GOLGB1: variants seen among roughly 807,000 people sequenced by gnomAD.
GOLGB1 encodes golgin B1.
GOLGB1 carries 174 observed loss-of-function variants against 336.9 expected under a neutral mutation model. The observed-to-expected ratio is 0.52, with a 90% CI of 0.46 to 0.59. GOLGB1 has a LOEUF of 0.59. GOLGB1 is among the 20% of genes least tolerant of loss of function. The pLI, the probability that GOLGB1 is intolerant of heterozygous loss-of-function variation, is 0.00. For synonymous variants in GOLGB1, 1,208 were observed against 1,289.2 expected, an observed-to-expected ratio of 0.94 and a Z score of 1.35; for missense variants, 3,331 against 3,645.3, an observed-to-expected ratio of 0.91 and a Z score of 2.22.
chr3:121,718,239 C>T, intron 8 of GOLGB1, 149 bp downstream of exon 8: 1 of 605,464 alleles, frequency 1.7e-6, no homozygotes, highest in Non-Finnish European at 3.0e-6. Flanking sequence ...TGCATCCCCA[C>T]CACTTAAGTA....
chr3:121,676,810 T>C, intron 17 of GOLGB1, 83 bp downstream of exon 17: 8 of 1,180,726 alleles, frequency 6.8e-6, no homozygotes, highest in Non-Finnish European at 1.0e-5. Flanking sequence ...GCTGGGACTC[T>C]ATGCTGAATT....
Position 121,713,777 on chromosome 3 carries a change from T to C in GOLGB1, c.1404+1084A>G, listed in dbSNP as rs900324604. 3.9e-5 allele frequency among the ~76,000 whole-genome samples: 6 copies of C among 152,180 alleles called. No individual in the cohort carries two copies. In the South Asian group the frequency reaches 1.2e-3, roughly 32 times the overall value. On this transcript the variant is annotated intron_variant, in intron 10 of 21. Transcript: ENST00000614479. Reference sequence around the variant, plus strand: ...CATTTAAAGGTTTGTAAATCTTACCTCAAAAGAAAAAGAACAATTATAAAT... The same window carrying C: ...CATTTAAAGGTTTGTAAATCTTACCCCAAAAGAAAAAGAACAATTATAAAT...
Position 121,696,763 on chromosome 3 carries a change from G to A in GOLGB1, c.3760C>T (p.Pro1254Ser), listed in dbSNP as rs33988592. 0.26 allele frequency: 421,637 copies of A among 1,613,692 alleles called. 59,270 individuals are homozygous for A. Among genetic ancestry groups the A allele is most frequent in the Non-Finnish European group, 0.29 (347,325 of 1,179,782 alleles). ...CACGATTCCTGCTGGTCTGTGCTTG[G>A]GAGTTTTCCGTCTATGGATTCCCTT... ...QVRESIDGKL[P>S]STDQQESCSS... Residue 1254 changes from proline to serine, a missense_variant, in exon 13 of 22, where the codon CCA becomes TCA. Physicochemically the swap from Pro to Ser is moderately conservative, Grantham distance 74 (BLOSUM62 -1). Transcript: ENST00000614479.
At chr3:121,739,866 C>G (rs559180892) in intron 1 of GOLGB1, among the ~76,000 whole-genome samples, 1 of 152,188 alleles carries the variant, frequency 6.6e-6, no homozygotes, top group Non-Finnish European at 1.5e-5. Context: ...CCATCACATA[C>G]TTCTCAGAAA....
intron 10 of GOLGB1, among the ~76,000 whole-genome samples, chr3:121,707,842 T>A (rs1482229325): frequency 6.6e-6 from 1 of 152,170 alleles, no homozygotes; most frequent in Non-Finnish European, 1.5e-5. Context: ...AAAGACTGTA[T>A]GACCCACAAA....
At chr3:121,681,553 T>C in intron 15 of GOLGB1, 134 bp downstream of exon 15, 2 of 652,150 alleles carry the variant, frequency 3.1e-6, no homozygotes, top group Non-Finnish European at 5.3e-6. Context: ...TACAGTTATG[T>C]AAGATGTCAC....
chr3:121,689,535 CCT>C (rs1942214607), intron 14 of GOLGB1, among the ~76,000 whole-genome samples: 1 of 151,430 alleles, frequency 6.6e-6, no homozygotes, highest in Non-Finnish European at 1.5e-5. Flanking sequence ...GGGTCCTCTG[CCT>C]AGGAAAACCA....
rs80298921 is a variant in GOLGB1, at chr3:121,733,453, T to C, written c.-2-2480A>G. Among the ~76,000 whole-genome samples the C allele has an allele frequency of 4.1e-3, 629 of 152,166 alleles. 4 individuals carry two copies. Among genetic ancestry groups the C allele is most frequent in the East Asian group, 0.039 (202 of 5,186 alleles). The stretch of plus-strand genomic sequence containing the variant: ...AGAATTTGCTGAATGCTGAAAACTA[T>C]TGAAAACCCGAGGAAGACATAAAAA... On this transcript the variant is annotated intron_variant, in intron 1 of 21. Coordinates refer to ENST00000614479, the MANE Select transcript of GOLGB1 (RefSeq NM_001366282.2).
chr3:121,686,275 A>G (rs1181619393), intron 14 of GOLGB1, among the ~76,000 whole-genome samples: 2 of 149,406 alleles, frequency 1.3e-5, no homozygotes, highest in African/African-American at 2.5e-5. Context: ...CAGTTCATGC[A>G]TGCGGTTTTC....
Position 121,717,118 on chromosome 3 carries a change from GC to G in GOLGB1, c.906del (p.Gln302HisfsTer10). On this transcript the variant is annotated frameshift_variant, in exon 9 of 22. Coordinates refer to ENST00000614479, the MANE Select transcript of GOLGB1 (RefSeq NM_001366282.2). LOFTEE classifies it high-confidence loss of function. ...QRNQILSQQLQQMEAEHNTLR... is the reference protein window; with the variant it reads ...QRNQILSQQLXQMEAEHNTLR... The stretch of plus-strand genomic sequence containing the variant: ...AAAGTATTATGCTCAGCTTCCATCT[GC>G]TGTAACTGCTGAGAGAGAATCTAAG... The G allele has an allele frequency of 6.2e-7, 1 of 1,607,378 alleles. No individual in the cohort carries two copies.
intron 1 of GOLGB1, among the ~76,000 whole-genome samples, chr3:121,732,569 G>A (rs1342505824): frequency 2.6e-5 from 4 of 152,108 alleles, no homozygotes; most frequent in Non-Finnish European, 5.9e-5. Context: ...TTCAAAATAT[G>A]AAAATCAATG....
At position 121,695,543 on chromosome 3, in the gene GOLGB1, T is replaced by C; in HGVS notation, c.4980A>G (p.Ala1660=). 1 of 1,614,150 alleles carries C rather than the reference T, an allele frequency of 6.2e-7. No homozygotes were observed. The highest frequency in any genetic ancestry group is 8.5e-7 in the Non-Finnish European group (1 of 1,180,020). ...ELYGKLRSTE[A]NKKETEKQLQ... ...ACTGCTTTTCTGTCTCCTTCTTGTT[T>C]GCCTCTGTGCTTCTTAACTTGCCAT... The change falls in exon 13 of 22, where the codon GCA becomes GCG. Residue 1660 remains alanine, a synonymous_variant. Coordinates refer to ENST00000614479, the MANE Select transcript of GOLGB1 (RefSeq NM_001366282.2).
rs1942402525 is a variant in GOLGB1 at position 121,691,408 on chromosome 3, C to A, written c.7956G>T (p.Leu2652Phe). 4.3e-6 allele frequency: 7 copies of A among 1,613,776 alleles called. No homozygotes were observed. Among genetic ancestry groups the A allele is most frequent in the Non-Finnish European group, 5.9e-6 (7 of 1,179,958 alleles). Residue 2652 changes from leucine (L) to phenylalanine (F), a missense_variant, in exon 14 of 22, where the codon TTG (leucine) becomes TTT (phenylalanine). Transcript: ENST00000614479. Reference protein sequence around the residue: ...KEEEVHRLSALFSSSQKRIAE... With the variant: ...KEEEVHRLSAFFSSSQKRIAE... ...CAATTCTCTTTTGAGAGGAGGAAAACAAAGCACTTAACCTGTGTACCTCTT... is the reference window on the plus strand; with the variant it reads ...CAATTCTCTTTTGAGAGGAGGAAAAAAAAGCACTTAACCTGTGTACCTCTT...
At position 121,717,055 on chromosome 3, in the gene GOLGB1, T is replaced by A. The variant is rs1944839402; in HGVS notation, c.970A>T (p.Ile324Phe). 6.2e-7 allele frequency: 1 copy of A among 1,613,190 alleles called. No homozygotes were observed. Among genetic ancestry groups the A allele is most frequent in the African/African-American group, 1.3e-5 (1 of 74,902 alleles). The change falls in exon 9 of 22, where the codon ATT becomes TTT. Residue 324 changes from isoleucine (I) to phenylalanine (F), a missense_variant. Physicochemically the swap from Ile to Phe is conservative, Grantham distance 21. Coordinates refer to ENST00000614479, the MANE Select transcript of GOLGB1 (RefSeq NM_001366282.2). ...TCAAGTTCCATCTTTTCCAGTAGAA[T>A]CTTGGACTCCTCTCTTTCTGTTTCC... ...TVETEREESK[I>F]LLEKMELEVA...
At chr3:121,715,491 T>G (rs1295993606) in intron 9 of GOLGB1, among the ~76,000 whole-genome samples, 1 of 150,298 alleles carries the variant, frequency 6.7e-6, no homozygotes, top group Non-Finnish European at 1.5e-5. Context: ...AGTGCTGGAA[T>G]AGCAGGCGTG....
At chr3:121,747,377 CTATATACGTATATATATACA>C (rs539264839) in intron 1 of GOLGB1, among the ~76,000 whole-genome samples, 1 of 130,594 alleles carries the variant, frequency 7.7e-6, no homozygotes, top group Non-Finnish European at 1.6e-5. Flanking sequence ...ACGTATATGT[CTATATACGTATATATATACA>C]TATATACGTA....
intron 17 of GOLGB1, among the ~76,000 whole-genome samples, chr3:121,672,173 T>C (rs559555251): frequency 7.2e-5 from 11 of 152,328 alleles, no homozygotes; most frequent in African/African-American, 2.6e-4. Flanking sequence ...GATCATATGG[T>C]AGTTCTATTT....
intron 4 of GOLGB1, 77 bp downstream of exon 4, chr3:121,729,110 GT>G: frequency 2.1e-6 from 2 of 964,148 alleles, no homozygotes; most frequent in Non-Finnish European, 3.1e-6. Context: ...CATCCTAAAT[GT>G]TTGTGATTGG....
chr3:121,745,789 A>G (rs922711846), intron 1 of GOLGB1, among the ~76,000 whole-genome samples: 6 of 152,330 alleles, frequency 3.9e-5, no homozygotes, highest in African/African-American at 1.4e-4. Context: ...TCCTCAGTCT[A>G]TGCTGGTCAC....
Sources: gnomAD v4.1 joint callset for allele counts (sites outside exome capture counted in the v4.1 genomes callset) on GRCh38, gnomAD v4.1.1 for gene constraint, MANE v1.5 for transcripts, NCBI Gene and HGNC (gene_info 2026-07-23, HGNC 2026-07-21) for gene names.